The following IFNLR1 variants were observed in gnomAD, a reference collection of about 807,000 sequenced individuals.
IFNLR1 encodes CRF2-12.
A neutral mutation model predicts 52.5 loss-of-function variants in IFNLR1; 28 were observed. That is an observed-to-expected ratio of 0.53 (90% CI 0.40 to 0.73). The LOEUF is 0.73. Ranked by LOEUF, IFNLR1 falls within the 30% of genes least tolerant of loss-of-function variation. IFNLR1 has a pLI of 0.00. For missense variants in IFNLR1, 623 were observed against 659.1 expected (o/e 0.95, Z 0.60); for synonymous variants, 276 against 274.9 (o/e 1.00, Z -0.04).
intron 2 of IFNLR1, among the ~76,000 whole-genome samples, chr1:24,177,252 C>T (rs575500519): frequency 1.1e-4 from 16 of 152,220 alleles, no homozygotes; most frequent in African/African-American, 3.1e-4. Context: ...TTGGCTCACA[C>T]GATCACAAGG....
chr1:24,156,974 C>T lies in IFNLR1; in HGVS notation c.*156G>A. On this transcript the variant is annotated 3_prime_UTR_variant, in exon 7 of 7. Transcript: ENST00000327535. ...GAGGGAGGGGCATCTTGTTGCTCAG[C>T]CCGACAGGCAAACAGCCGCTAGGTG... The T allele has an allele frequency of 1.3e-6, 1 of 780,264 alleles. No individual in the cohort carries two copies. The highest frequency in any genetic ancestry group is 2.1e-6 in the Non-Finnish European group (1 of 487,244). 48.3% of individuals were successfully genotyped at this position (780,264 alleles called of 1,614,324 possible).
chr1:24,174,068 A>C (rs1478170754), intron 2 of IFNLR1, among the ~76,000 whole-genome samples: 10 of 151,892 alleles, frequency 6.6e-5, no homozygotes. Flanking sequence ...TAAATGAAGT[A>C]ATAAGGCTGG....
At position 24,156,823 on chromosome 1, in the gene IFNLR1, GA is replaced by G. The variant is rs1644383289; in HGVS notation, c.*306del. ...CCTCACCTGTTTCATGTTGTCCGGGGATAATTTTTCCCCCTGGCCTGTCACC... is the reference window on the plus strand; with the variant it reads ...CCTCACCTGTTTCATGTTGTCCGGGGTAATTTTTCCCCCTGGCCTGTCACC... On this transcript the variant is annotated 3_prime_UTR_variant, in exon 7 of 7. Transcript: ENST00000327535. 2.5e-6 allele frequency: 1 copy of G among 397,686 alleles called. No homozygotes were observed. The highest frequency in any genetic ancestry group is 4.5e-6 in the Non-Finnish European group (1 of 221,724). The allele number at this position is 397,686 out of a possible 1,614,324, so 24.6% of individuals were successfully genotyped here.
At chr1:24,158,737 T>C (rs1644407994) in intron 6 of IFNLR1, among the ~76,000 whole-genome samples, 1 of 152,114 alleles carries the variant, frequency 6.6e-6, no homozygotes, top group Non-Finnish European at 1.5e-5. Context: ...GTGCCTCCTC[T>C]CCTCCCCTTT....
At chr1:24,180,605 C>T (rs1569696832) in intron 2 of IFNLR1, 126 bp downstream of exon 2, 1 of 893,352 alleles carries the variant, frequency 1.1e-6, no homozygotes, top group East Asian at 2.6e-5. Flanking sequence ...CACATGCCAT[C>T]TCCCGTAGGG....
intron 1 of IFNLR1, among the ~76,000 whole-genome samples, chr1:24,182,045 C>A (rs1644695724): frequency 1.3e-5 from 2 of 152,004 alleles, no homozygotes. Flanking sequence ...ACTAAAAATG[C>A]AAAAATTAGC....
In IFNLR1 at chr1:24,176,001, G is replaced by A. The variant is rs549015160; in HGVS notation, c.182+4730C>T. Reference sequence around the variant, plus strand: ...GGTGAATGTATTTTGCATATGAAAAGGACACAAATTTTGGGAGGCCAGAGG... The same window carrying A: ...GGTGAATGTATTTTGCATATGAAAAAGACACAAATTTTGGGAGGCCAGAGG... On this transcript the variant is annotated intron_variant, in intron 2 of 6. Coordinates refer to ENST00000327535, the MANE Select transcript of IFNLR1 (RefSeq NM_170743.4). Among the ~76,000 whole-genome samples the A allele has an allele frequency of 2.0e-5, 3 of 151,522 alleles. No individual in the cohort carries two copies. The East Asian group carries it at 5.8e-4, about 29-fold the overall frequency.
chr1:24,183,973 G>A (rs182939890), intron 1 of IFNLR1, among the ~76,000 whole-genome samples: 7 of 152,186 alleles, frequency 4.6e-5, no homozygotes, highest in African/African-American at 7.2e-5. Flanking sequence ...CAGGTGATCC[G>A]CCCACCTTGG....
chr1:24,156,988 A>G lies in IFNLR1; in HGVS notation c.*142T>C. On this transcript the variant is annotated 3_prime_UTR_variant, in exon 7 of 7. Transcript: ENST00000327535. The stretch of plus-strand genomic sequence containing the variant: ...TTGTTGCTCAGCCCGACAGGCAAAC[A>G]GCCGCTAGGTGGACTTCCCGGAAGT... 1 of 896,884 alleles carries G rather than the reference A, an allele frequency of 1.1e-6. No homozygotes were observed. The highest frequency in any genetic ancestry group is 1.7e-5 in the South Asian group (1 of 59,774). 55.6% of individuals were successfully genotyped at this position (896,884 alleles called of 1,614,324 possible). A position where few individuals can be genotyped will look rare whatever the true frequency, so the allele number is the denominator to read the frequency against.
At position 24,172,005 on chromosome 1, in the gene IFNLR1, T is replaced by C. The variant is rs528160918; in HGVS notation, c.183-2404A>G. The stretch of plus-strand genomic sequence containing the variant: ...TATTCTGTAGAGAGGGGGTCTCACT[T>C]TGTTGCCTAGGCCGGTCTCAAACTT... On this transcript the variant is annotated intron_variant, in intron 2 of 6. Coordinates refer to ENST00000327535, the MANE Select transcript of IFNLR1 (RefSeq NM_170743.4). 3.9e-4 allele frequency among the ~76,000 whole-genome samples: 59 copies of C among 152,092 alleles called. No homozygotes were observed. The South Asian group carries it at 0.011, about 29-fold the overall frequency.
chr1:24,175,253 G>A (rs927796835), intron 2 of IFNLR1, among the ~76,000 whole-genome samples: 2 of 152,236 alleles, frequency 1.3e-5, no homozygotes, highest in Non-Finnish European at 2.9e-5. Context: ...AGCAGGCTAG[G>A]CTGCTGCTAA....
rs568030957 is a variant in IFNLR1 at position 24,172,780 on chromosome 1, A to T, written c.183-3179T>A. Among the ~76,000 whole-genome samples the T allele has an allele frequency of 2.6e-5, 4 of 152,270 alleles. No homozygotes were observed. In the East Asian group the frequency reaches 5.8e-4, roughly 22 times the overall value. The stretch of plus-strand genomic sequence containing the variant: ...ACAGGCAGGGTGGCTTCAGCAACAG[A>T]AATCTGGAGGCTGGAAGTCCAAGAT... On this transcript the variant is annotated intron_variant, in intron 2 of 6. Transcript: ENST00000327535.
At chr1:24,158,929 T>C (rs1286665713) in intron 6 of IFNLR1, 123 bp downstream of exon 6, 1 of 1,003,556 alleles carries the variant, frequency 1.0e-6, no homozygotes. Flanking sequence ...GACACAAAGA[T>C]AGATGTTTTG....
At chr1:24,185,904 C>T (rs1644733666) in intron 1 of IFNLR1, among the ~76,000 whole-genome samples, 2 of 152,210 alleles carry the variant, frequency 1.3e-5, no homozygotes, top group Admixed American at 6.5e-5. Context: ...ATTCTGCTTC[C>T]ATGGAAAGGG....
At chr1:24,160,831 G>T (rs149079772) in intron 4 of IFNLR1, among the ~76,000 whole-genome samples, 2 of 151,942 alleles carry the variant, frequency 1.3e-5, no homozygotes, top group South Asian at 2.1e-4. Context: ...GGGCTCGAGC[G>T]ATCCTCCTGC....
Position 24,157,746 on chromosome 1 carries a change from G to C in IFNLR1, c.947C>G (p.Thr316Arg). Residue 316 changes from threonine (T) to arginine (R), a missense_variant, in exon 7 of 7, where the codon ACA becomes AGA. Thr to Arg is a moderately conservative substitution (Grantham distance 71). Coordinates refer to ENST00000327535, the MANE Select transcript of IFNLR1 (RefSeq NM_170743.4). This position sits in a 1 kb window ranked among gnomAD's most constrained non-coding sequence, Gnocchi z 5.1. ...PRVRAPATQQ[T>R]RWKKDLAEDE... is the part of the protein sequence containing the mutation. ...CTCTGCAAGGTCCTTCTTCCATCTTGTCTGTTGGGTGGCTGGGGCCCTGAC... is the reference window on the plus strand; with the variant it reads ...CTCTGCAAGGTCCTTCTTCCATCTTCTCTGTTGGGTGGCTGGGGCCCTGAC... 6.2e-7 allele frequency: 1 copy of C among 1,614,200 alleles called. No homozygotes were observed. Among genetic ancestry groups the C allele is most frequent in the Non-Finnish European group, 8.5e-7 (1 of 1,180,042 alleles).
chr1:24,172,249 A>G (rs891289211), intron 2 of IFNLR1, among the ~76,000 whole-genome samples: 5 of 152,246 alleles, frequency 3.3e-5, no homozygotes, highest in African/African-American at 1.2e-4. Flanking sequence ...TATAGCTTTA[A>G]ATACTTATAA....
chr1:24,182,013 A>G (rs1244531053), intron 1 of IFNLR1, among the ~76,000 whole-genome samples: 1 of 152,104 alleles, frequency 6.6e-6, no homozygotes, highest in Non-Finnish European at 1.5e-5. Flanking sequence ...AGTCTTGGCC[A>G]ACTTGGTGAA....
At chr1:24,170,585 C>T (rs1006883780) in intron 2 of IFNLR1, among the ~76,000 whole-genome samples, 1 of 152,194 alleles carries the variant, frequency 6.6e-6, no homozygotes, top group Non-Finnish European at 1.5e-5. Context: ...GTCTCCAACT[C>T]CTGACCTCAG....
Sources: allele counts gnomAD v4.1 joint callset (sites outside exome capture counted in the v4.1 genomes callset), GRCh38; gene constraint gnomAD v4.1.1; non-coding constraint Gnocchi (gnomAD v3.1); transcripts MANE v1.5; gene names NCBI Gene and HGNC (gene_info 2026-07-23, HGNC 2026-07-21).